The following ARB2A variants were observed in gnomAD, a reference collection of about 807,000 sequenced individuals.
ARB2A encodes cotranscriptional regulator ARB2A.
chr5:93,900,727 TACAG>T, the ARB2A span, among the ~76,000 whole-genome samples: 24 of 151,774 alleles, frequency 1.6e-4, no homozygotes, highest in African/African-American at 5.3e-4. Flanking sequence ...AGTGGAGAAG[TACAG>T]ACAAACAATA....
chr5:93,979,794 T>G, the ARB2A span, among the ~76,000 whole-genome samples: 1 of 152,052 alleles, frequency 6.6e-6, no homozygotes, highest in Admixed American at 6.6e-5. Context: ...TTTTAATAGG[T>G]TAAGTTTTCT....
At chr5:93,731,037 T>C in the ARB2A span, among the ~76,000 whole-genome samples, 1 of 152,156 alleles carries the variant, frequency 6.6e-6, no homozygotes, top group Non-Finnish European at 1.5e-5. Flanking sequence ...CTTTCCATCA[T>C]ACCACCTTAT....
the ARB2A span, among the ~76,000 whole-genome samples, chr5:94,028,024 T>C: frequency 6.6e-6 from 1 of 152,196 alleles, no homozygotes; most frequent in Non-Finnish European, 1.5e-5. Context: ...CACCCACACA[T>C]GTGGTCAAAG....
chr5:93,974,612 T>C, the ARB2A span, among the ~76,000 whole-genome samples: 2 of 152,164 alleles, frequency 1.3e-5, no homozygotes, highest in African/African-American at 4.8e-5. Context: ...AATAGACATC[T>C]ATGGAATACT....
At chr5:93,781,159 A>G in the ARB2A span, among the ~76,000 whole-genome samples, 1 of 152,082 alleles carries the variant, frequency 6.6e-6, no homozygotes, top group East Asian at 1.9e-4. Context: ...CTCATCCTTC[A>G]TCTTCCACCT....
At chr5:93,703,530 T>C in the ARB2A span, among the ~76,000 whole-genome samples, 1 of 152,214 alleles carries the variant, frequency 6.6e-6, no homozygotes, top group Non-Finnish European at 1.5e-5. Context: ...TTTCTCTTTC[T>C]TAGTGCACTG....
chr5:93,627,442 T>G, the ARB2A span, among the ~76,000 whole-genome samples: 15,599 of 145,732 alleles, frequency 0.11, 972 homozygotes, highest in Middle Eastern at 0.17. Flanking sequence ...AAATGTGTTT[T>G]GTTTTTTTTT....
chr5:93,795,068 A>T, the ARB2A span, among the ~76,000 whole-genome samples: 1 of 152,088 alleles, frequency 6.6e-6, no homozygotes, highest in Non-Finnish European at 1.5e-5. Context: ...GAAGGACCAC[A>T]AGGTGGGGGT....
At chr5:93,915,057 A>G in the ARB2A span, among the ~76,000 whole-genome samples, 1 of 152,022 alleles carries the variant, frequency 6.6e-6, no homozygotes, top group South Asian at 2.1e-4. Context: ...GGAAAAAAGT[A>G]GAAAGATTCC....
At chr5:93,906,025 T>G in the ARB2A span, among the ~76,000 whole-genome samples, 2 of 151,652 alleles carry the variant, frequency 1.3e-5, no homozygotes, top group South Asian at 4.1e-4. Context: ...TTATTTACAT[T>G]AAAATAAACT....
At chr5:93,785,153 T>A in the ARB2A span, among the ~76,000 whole-genome samples, 1 of 152,124 alleles carries the variant, frequency 6.6e-6, no homozygotes, top group Admixed American at 6.6e-5. Context: ...CAAAAAAAGA[T>A]TTGCTTGGCT....
chr5:94,075,029 A>C, the ARB2A span, among the ~76,000 whole-genome samples: 1 of 152,044 alleles, frequency 6.6e-6, no homozygotes, highest in Non-Finnish European at 1.5e-5. Flanking sequence ...CAAACACAAT[A>C]CCTTATACAT....
chr5:93,776,379 T>A, the ARB2A span: 1 of 588,540 alleles, frequency 1.7e-6, no homozygotes, highest in South Asian at 3.3e-5. Context: ...AACATTTTTT[T>A]CTTATGTAAA....
the ARB2A span, among the ~76,000 whole-genome samples, chr5:93,709,716 G>C: frequency 1.4e-5 from 2 of 143,996 alleles, no homozygotes; most frequent in Non-Finnish European, 3.0e-5. Flanking sequence ...TAGTTTTATT[G>C]TGTTACATAG....
the ARB2A span, chr5:93,619,333 C>G: frequency 1.3e-5 from 2 of 152,132 alleles, no homozygotes; most frequent in South Asian, 2.1e-4. Context: ...ATATGCATAC[C>G]TGAGCACTGA....
the ARB2A span, among the ~76,000 whole-genome samples, chr5:93,872,916 CA>C: frequency 7.0e-5 from 10 of 142,340 alleles, no homozygotes; most frequent in Admixed American, 7.1e-5. Flanking sequence ...GACTCTGTCT[CA>C]AAAAAAAAAG....
At chr5:93,700,985 C>G in the ARB2A span, among the ~76,000 whole-genome samples, 1 of 152,078 alleles carries the variant, frequency 6.6e-6, no homozygotes, top group African/African-American at 2.4e-5. Context: ...ATACGGCTCT[C>G]CTAACCAAAT....
chr5:93,926,665 T>C, the ARB2A span, among the ~76,000 whole-genome samples: 1 of 152,096 alleles, frequency 6.6e-6, no homozygotes, highest in African/African-American at 2.4e-5. Context: ...AAATGTGGGT[T>C]TCTTGAATGC....
At chr5:93,767,153 A>C in the ARB2A span, among the ~76,000 whole-genome samples, 1 of 152,184 alleles carries the variant, frequency 6.6e-6, no homozygotes, top group Non-Finnish European at 1.5e-5. Flanking sequence ...ACTAACCTGC[A>C]CGTTGTGCAC....
Sources: allele counts gnomAD v4.1 joint callset (sites outside exome capture counted in the v4.1 genomes callset), GRCh38; gene constraint gnomAD v4.1.1; transcripts MANE v1.5; gene names NCBI Gene and HGNC (gene_info 2026-07-23, HGNC 2026-07-21).